The following DOK6 variants were observed in gnomAD, a reference collection of about 807,000 sequenced individuals.
DOK6 encodes docking protein 6.
In DOK6, 22 loss-of-function variants were observed where a neutral mutation model predicts 44.0. The observed-to-expected ratio is 0.50, with a 90% CI of 0.36 to 0.71. The LOEUF (loss-of-function observed/expected upper bound fraction) is 0.71. DOK6 is among the 30% of genes least tolerant of loss of function. The pLI is 0.00. For synonymous variants in DOK6, 166 were observed against 145.5 expected, an observed-to-expected ratio of 1.14 and a Z score of -1.01; for missense variants, 340 against 416.4, an observed-to-expected ratio of 0.82 and a Z score of 1.60.
At chr18:69,627,911 C>T (rs995678736) in intron 3 of DOK6, among the ~76,000 whole-genome samples, 6 of 152,150 alleles carry the variant, frequency 3.9e-5, no homozygotes, top group African/African-American at 1.2e-4. Flanking sequence ...TTATCCACAA[C>T]TTACCTTTGT....
chr18:69,664,949 T>G (rs1243121307), intron 3 of DOK6, among the ~76,000 whole-genome samples: 2 of 151,834 alleles, frequency 1.3e-5, no homozygotes, highest in African/African-American at 2.4e-5. Flanking sequence ...GGGGCCAAGG[T>G]GGGTGGGTCA....
rs566210354 is a variant in DOK6 at position 69,779,631 on chromosome 18, A to T, written c.856+21758A>T. 1.4e-4 allele frequency among the ~76,000 whole-genome samples: 21 copies of T among 152,234 alleles called. No individual in the cohort carries two copies. The South Asian group carries it at 1.7e-3, about 12-fold the overall frequency. On this transcript the variant is annotated intron_variant, in intron 7 of 7. Transcript: ENST00000382713. The stretch of plus-strand genomic sequence containing the variant: ...TGATTTGTAAGGAAAAAAATAAAAA[A>T]TATTATGAGTGCTTAAAAGATAATT...
At chr18:69,677,256 A>G (rs1239380083) in intron 3 of DOK6, among the ~76,000 whole-genome samples, 3 of 151,522 alleles carry the variant, frequency 2.0e-5, no homozygotes, top group African/African-American at 7.3e-5. Flanking sequence ...TTATATATTT[A>G]TTTTCTATTT....
intron 1 of DOK6, chr18:69,471,875 T>C (rs544100401): frequency 2.0e-5 from 3 of 152,306 alleles, no homozygotes; most frequent in Admixed American, 2.0e-4. Context: ...CAATGATGAA[T>C]TCTGTTTTGC....
At chr18:69,702,024 T>C (rs1305572591) in intron 5 of DOK6, among the ~76,000 whole-genome samples, 1 of 151,688 alleles carries the variant, frequency 6.6e-6, no homozygotes, top group Non-Finnish European at 1.5e-5. Context: ...ACATAATAAA[T>C]ATGAATTATG....
At chr18:69,413,359 A>G (rs1951973853) in intron 1 of DOK6, among the ~76,000 whole-genome samples, 1 of 152,108 alleles carries the variant, frequency 6.6e-6, no homozygotes, top group African/African-American at 2.4e-5. Flanking sequence ...GAGCATCATT[A>G]GTGATTTACT....
intron 6 of DOK6, among the ~76,000 whole-genome samples, chr18:69,749,747 T>C (rs941654901): frequency 6.6e-6 from 1 of 152,034 alleles, no homozygotes; most frequent in African/African-American, 2.4e-5. Context: ...GAGACCATCC[T>C]GGCCAACATG....
At chr18:69,537,952 A>T (rs1982166588) in intron 1 of DOK6, among the ~76,000 whole-genome samples, 1 of 152,158 alleles carries the variant, frequency 6.6e-6, no homozygotes, top group Non-Finnish European at 1.5e-5. Context: ...TCTTTTCTAG[A>T]AGAATGATTG....
intron 5 of DOK6, among the ~76,000 whole-genome samples, chr18:69,704,230 G>GCC (rs1013343175): frequency 6.6e-6 from 1 of 152,024 alleles, no homozygotes; most frequent in Non-Finnish European, 1.5e-5. Flanking sequence ...GGCCTCCACA[G>GCC]CCCCCCCACC....
intron 5 of DOK6, among the ~76,000 whole-genome samples, chr18:69,716,067 T>C (rs78365826): frequency 0.037 from 5,583 of 152,338 alleles, 164 homozygotes; most frequent in East Asian, 0.087. Context: ...AACATCATTT[T>C]AGCAGCTGCG....
chr18:69,565,338 T>C (rs1444552931), intron 2 of DOK6, among the ~76,000 whole-genome samples: 1 of 152,234 alleles, frequency 6.6e-6, no homozygotes, highest in East Asian at 1.9e-4. Context: ...TTTTATGTAA[T>C]ATATTGTTCT....
intron 7 of DOK6, among the ~76,000 whole-genome samples, chr18:69,787,985 T>C (rs535761419): frequency 3.8e-4 from 58 of 152,264 alleles, no homozygotes; most frequent in African/African-American, 1.3e-3. Context: ...CACTTATAAG[T>C]GTATTTCTGC....
chr18:69,528,206 A>G (rs1178089299), intron 1 of DOK6, among the ~76,000 whole-genome samples: 1 of 151,674 alleles, frequency 6.6e-6, no homozygotes, highest in Non-Finnish European at 1.5e-5. Flanking sequence ...TGCAGAAACT[A>G]AGATGCATAG....
intron 1 of DOK6, among the ~76,000 whole-genome samples, chr18:69,404,862 T>G: frequency 6.6e-6 from 1 of 151,894 alleles, no homozygotes; most frequent in East Asian, 1.9e-4. Context: ...GTGCCCACAG[T>G]TTAAGAGGCA....
intron 1 of DOK6, among the ~76,000 whole-genome samples, chr18:69,505,924 A>AC: frequency 6.6e-6 from 1 of 152,152 alleles, no homozygotes; most frequent in Middle Eastern, 3.4e-3. Flanking sequence ...CCTCAAAAAA[A>AC]AAATGCTGGA....
At chr18:69,509,285 T>A (rs1170153953) in intron 1 of DOK6, among the ~76,000 whole-genome samples, 4 of 152,204 alleles carry the variant, frequency 2.6e-5, no homozygotes, top group African/African-American at 4.8e-5. Context: ...TATATGAAAT[T>A]CAACCACCTT....
intron 7 of DOK6, among the ~76,000 whole-genome samples, chr18:69,760,279 T>C (rs1599310350): frequency 6.6e-6 from 1 of 152,190 alleles, no homozygotes; most frequent in East Asian, 1.9e-4. Flanking sequence ...AAAAGAGAAA[T>C]TCAGAACCTC....
At chr18:69,744,489 AAAC>A (rs757003731) in intron 6 of DOK6, among the ~76,000 whole-genome samples, 17 of 152,068 alleles carry the variant, frequency 1.1e-4, no homozygotes, top group African/African-American at 4.1e-4. Context: ...GATTGCGATG[AAAC>A]AACACAAGCT....
Position 69,751,503 on chromosome 18 carries a change from G to A in DOK6, c.739-6253G>A, listed in dbSNP as rs138662507. ...ATTAAAAATTGAACAAATATATATA[G>A]AGCAGGAAATGCAGAGTGAATAGTG... On this transcript the variant is annotated intron_variant, in intron 6 of 7. Coordinates refer to ENST00000382713, the MANE Select transcript of DOK6 (RefSeq NM_152721.6). Among the ~76,000 whole-genome samples the A allele has an allele frequency of 3.9e-5, 6 of 152,188 alleles. No individual in the cohort carries two copies. In the East Asian group the frequency reaches 5.8e-4, roughly 15 times the overall value.
Sources: allele counts gnomAD v4.1 joint callset (sites outside exome capture counted in the v4.1 genomes callset), GRCh38; gene constraint gnomAD v4.1.1; transcripts MANE v1.5; gene names NCBI Gene and HGNC (gene_info 2026-07-23, HGNC 2026-07-21).